SYCP1: variants seen among roughly 807,000 people sequenced by gnomAD.
SYCP1 encodes the protein cancer/testis antigen 8.
SYCP1 carries 64 observed loss-of-function variants against 153.1 expected under a neutral mutation model. That is an observed-to-expected ratio of 0.42 (90% CI 0.34 to 0.51). The LOEUF (loss-of-function observed/expected upper bound fraction) is 0.51, where lower values mean the gene tolerates loss of function less well. SYCP1 is among the 20% of genes least tolerant of loss of function. The pLI is 0.06. For missense variants in SYCP1, 997 were observed against 1,049.0 expected (o/e 0.95, Z 0.68); for synonymous variants, 384 against 341.8 (o/e 1.12, Z -1.36).
At chr1:114,876,607 T>G (rs1362861676) in intron 10 of SYCP1, 130 bp from the exon 11 acceptor site, 1 of 395,236 alleles carries the variant, frequency 2.5e-6, no homozygotes, top group Non-Finnish European at 4.4e-6. Flanking sequence ...ATTAGCTCAT[T>G]ACAAACTTTT....
chr1:114,905,697 C>G (rs1435138928), intron 16 of SYCP1, among the ~76,000 whole-genome samples: 2 of 152,084 alleles, frequency 1.3e-5, no homozygotes, highest in Admixed American at 1.3e-4. Flanking sequence ...CTAGTGAAAC[C>G]ACTTGGGTCT....
At chr1:114,892,296 G>A (rs1666761494) in intron 15 of SYCP1, among the ~76,000 whole-genome samples, 1 of 152,168 alleles carries the variant, frequency 6.6e-6, no homozygotes. Flanking sequence ...TGCAGCAGTT[G>A]TGGTGAGCTG....
chr1:114,915,125 CA>C (rs371546459), intron 20 of SYCP1, among the ~76,000 whole-genome samples: 2 of 150,368 alleles, frequency 1.3e-5, no homozygotes, highest in African/African-American at 4.9e-5. Flanking sequence ...AAAAAACAAA[CA>C]AAAAATCACC....
intron 27 of SYCP1, among the ~76,000 whole-genome samples, chr1:114,957,535 C>G (rs1671519436): frequency 1.3e-5 from 2 of 152,268 alleles, no homozygotes; most frequent in African/African-American, 4.8e-5. Context: ...TGTTTGGAAA[C>G]TATCCATCCA....
intron 12 of SYCP1, among the ~76,000 whole-genome samples, chr1:114,879,915 T>C (rs572833143): frequency 6.6e-6 from 1 of 152,332 alleles, no homozygotes; most frequent in African/African-American, 2.4e-5. Flanking sequence ...GAATCATGTA[T>C]TTTTCATTTT....
intron 24 of SYCP1, 64 bp from the exon 25 acceptor site, chr1:114,944,808 T>G: frequency 8.5e-7 from 1 of 1,180,272 alleles, no homozygotes; most frequent in Non-Finnish European, 1.2e-6. Context: ...ACATATACTT[T>G]TTACACTTGT....
intron 6 of SYCP1, among the ~76,000 whole-genome samples, chr1:114,859,244 C>A (rs1038164928): frequency 6.6e-6 from 1 of 152,098 alleles, no homozygotes; most frequent in Non-Finnish European, 1.5e-5. Flanking sequence ...TGAGCCACCA[C>A]GCCCAGCTAA....
intron 7 of SYCP1, among the ~76,000 whole-genome samples, chr1:114,860,464 G>T (rs1304471205): frequency 6.6e-6 from 1 of 152,046 alleles, no homozygotes; most frequent in Non-Finnish European, 1.5e-5. Flanking sequence ...AACTTGTTAA[G>T]GAGCTGTCAC....
intron 23 of SYCP1, among the ~76,000 whole-genome samples, chr1:114,943,064 T>C (rs1429251661): frequency 6.6e-6 from 1 of 151,964 alleles, no homozygotes; most frequent in Non-Finnish European, 1.5e-5. Flanking sequence ...GTGCAAATTA[T>C]ACAACAAAAC....
At chr1:114,987,898 A>G (rs1459268591) in intron 30 of SYCP1, among the ~76,000 whole-genome samples, 1 of 151,854 alleles carries the variant, frequency 6.6e-6, no homozygotes, top group Non-Finnish European at 1.5e-5. Context: ...TGTGAATAAA[A>G]TGAGAATATT....
intron 12 of SYCP1, among the ~76,000 whole-genome samples, chr1:114,883,232 T>G (rs1666074993): frequency 6.6e-6 from 1 of 152,204 alleles, no homozygotes; most frequent in South Asian, 2.1e-4. Context: ...CGCTTTGGAG[T>G]TTTCAGTTTC....
intron 29 of SYCP1, among the ~76,000 whole-genome samples, chr1:114,982,320 A>C (rs1013466336): frequency 6.6e-6 from 1 of 151,866 alleles, no homozygotes; most frequent in Non-Finnish European, 1.5e-5. Context: ...TCTCCATCCC[A>C]CTAAGTTTAA....
chr1:114,894,214 T>A (rs1287707816), intron 15 of SYCP1, among the ~76,000 whole-genome samples: 3 of 152,042 alleles, frequency 2.0e-5, no homozygotes, highest in Admixed American at 2.0e-4. Flanking sequence ...ATACGCCAGG[T>A]TTTTCTTTTG....
intron 23 of SYCP1, among the ~76,000 whole-genome samples, chr1:114,927,549 T>C (rs2101745269): frequency 6.6e-6 from 1 of 152,158 alleles, no homozygotes; most frequent in East Asian, 1.9e-4. Flanking sequence ...CTGAAAATAA[T>C]CAAATGGAAG....
chr1:114,876,425 G>A (rs1222864323), intron 10 of SYCP1, among the ~76,000 whole-genome samples: 2 of 151,498 alleles, frequency 1.3e-5, no homozygotes, highest in African/African-American at 2.4e-5. Flanking sequence ...TAGTATGCAT[G>A]TTAAAATAAT....
chr1:114,892,678 G>T lies in SYCP1; in HGVS notation c.1259-2770G>T, dbSNP rs534709152. 1.8e-4 allele frequency among the ~76,000 whole-genome samples: 27 copies of T among 152,192 alleles called. No homozygotes were observed. In the South Asian group the frequency reaches 5.4e-3, roughly 30 times the overall value. ...AGCCAGTAGTAGCAGCTGCAGGAGC[G>T]GGAGCCTTTTCCTGGCGCACGCACG... is the stretch of plus-strand genomic sequence containing the variant. On this transcript the variant is annotated intron_variant, in intron 15 of 31. Coordinates refer to ENST00000369522, the MANE Select transcript of SYCP1 (RefSeq NM_003176.4).
intron 8 of SYCP1, among the ~76,000 whole-genome samples, chr1:114,873,796 C>T (rs543803096): frequency 2.0e-5 from 3 of 152,158 alleles, no homozygotes; most frequent in African/African-American, 4.8e-5. Flanking sequence ...CTCACTCTGT[C>T]GCCCAGCTCA....
intron 30 of SYCP1, among the ~76,000 whole-genome samples, chr1:114,989,128 C>T (rs1166252790): frequency 6.6e-6 from 1 of 151,906 alleles, no homozygotes; most frequent in East Asian, 1.9e-4. Flanking sequence ...AATCACACCA[C>T]TGACCTCCAG....
In SYCP1 at chr1:114,928,157, T is replaced by C. The variant is rs1669380013; in HGVS notation, c.1926+1594T>C. On this transcript the variant is annotated intron_variant, in intron 23 of 31. Coordinates refer to ENST00000369522, the MANE Select transcript of SYCP1 (RefSeq NM_003176.4). ...AATTAATTGAGAAATTTCTCAAAAA[T>C]TTATCACACTTAAAACAAACTTGCA... Among the ~76,000 whole-genome samples the C allele has an allele frequency of 2.0e-5, 3 of 152,120 alleles. No homozygotes were observed. In the South Asian group the frequency reaches 6.2e-4, roughly 32 times the overall value.
Sources: gnomAD v4.1 joint callset for allele counts (sites outside exome capture counted in the v4.1 genomes callset) on GRCh38, gnomAD v4.1.1 for gene constraint, MANE v1.5 for transcripts, NCBI Gene and HGNC (gene_info 2026-07-23, HGNC 2026-07-21) for gene names.